Variants in ARFGEF2 observed in about 807,000 individuals in gnomAD.
ARFGEF2 encodes the protein ARF guanine nucleotide exchange factor 2.
ARFGEF2 carries 74 observed loss-of-function variants against 219.9 expected under a neutral mutation model. The ratio of observed to expected loss-of-function variants is 0.34; its 90% CI spans 0.28 to 0.41. ARFGEF2 has a LOEUF of 0.41. Among genes scored for constraint, ARFGEF2 ranks in the 10% least tolerant of loss-of-function variants. ARFGEF2 has a pLI of 1.00. For missense variants in ARFGEF2, 1,743 were observed against 2,218.3 expected (o/e 0.79, Z 4.30); for synonymous variants, 733 against 799.2 (o/e 0.92, Z 1.40).
In ARFGEF2 at chr20:48,932,346, GGA is replaced by G. The variant is rs536845969; in HGVS notation, c.122-8849_122-8848del. ...CAGCAGAACAGCGATGATTGGGAGGGGAGAGTTGGGCCATTGAGGGTGGAGAA... is the reference window on the plus strand; with the variant it reads ...CAGCAGAACAGCGATGATTGGGAGGGGAGTTGGGCCATTGAGGGTGGAGAA... On this transcript the variant is annotated intron_variant, in intron 1 of 38. Transcript: ENST00000371917. Among the ~76,000 whole-genome samples, 14 of 152,268 alleles carry G rather than the reference GGA, an allele frequency of 9.2e-5. No homozygotes were observed. In the East Asian group the frequency reaches 2.7e-3, roughly 29 times the overall value.
At position 49,014,842 on chromosome 20, in the gene ARFGEF2, A is replaced by G. The variant is rs1001647485; in HGVS notation, c.4179+882A>G. On this transcript the variant is annotated intron_variant, in intron 30 of 38. Coordinates refer to ENST00000371917, the MANE Select transcript of ARFGEF2 (RefSeq NM_006420.3). ...TTTAAATTTAAATATGTTTTTCCTC[A>G]TTATAAAACAAGTAGAACTACAGAA... Among the ~76,000 whole-genome samples the G allele has an allele frequency of 1.1e-4, 17 of 152,318 alleles. No individual in the cohort carries two copies. In the East Asian group the frequency reaches 3.1e-3, roughly 28 times the overall value.
At chr20:48,948,418 C>T (rs766551892) in intron 3 of ARFGEF2, among the ~76,000 whole-genome samples, 1 of 152,208 alleles carries the variant, frequency 6.6e-6, no homozygotes, top group Non-Finnish European at 1.5e-5. Context: ...GTGAACATCT[C>T]TGTGCAAGCC....
At chr20:48,991,259 A>G (rs1280792938) in intron 21 of ARFGEF2, 61 bp downstream of exon 21, 2 of 1,601,462 alleles carry the variant, frequency 1.2e-6, no homozygotes, top group African/African-American at 1.3e-5. Context: ...CCTTTTATTC[A>G]TTGTTGATCT....
At chr20:49,028,701 C>T in intron 37 of ARFGEF2, 33 bp downstream of exon 37, 1 of 1,601,458 alleles carries the variant, frequency 6.2e-7, no homozygotes, top group Non-Finnish European at 8.5e-7. Flanking sequence ...AGATTTCTAT[C>T]TGCTATATAC....
intron 18 of ARFGEF2, among the ~76,000 whole-genome samples, chr20:48,988,947 G>C (rs948546326): frequency 3.9e-5 from 6 of 152,136 alleles, no homozygotes; most frequent in Non-Finnish European, 8.8e-5. Context: ...TGTCCGCCTT[G>C]ATTAGAATTC....
At chr20:48,973,041 G>A in intron 11 of ARFGEF2, 104 bp from the exon 12 acceptor site, 2 of 1,317,818 alleles carry the variant, frequency 1.5e-6, no homozygotes, top group Non-Finnish European at 2.2e-6. Context: ...GGCCACCGGA[G>A]TCTGTAGTTC....
chr20:49,000,145 T>A (rs1489313970), intron 25 of ARFGEF2, among the ~76,000 whole-genome samples: 1 of 152,238 alleles, frequency 6.6e-6, no homozygotes, highest in Non-Finnish European at 1.5e-5. Flanking sequence ...CAGGTGCTAG[T>A]CTACTCCACC....
At chr20:48,996,031 T>C in intron 23 of ARFGEF2, 149 bp downstream of exon 23, 2 of 738,320 alleles carry the variant, frequency 2.7e-6, no homozygotes, top group Non-Finnish European at 4.9e-6. Context: ...ATTTGCATTT[T>C]GACCTTTTAG....
At chr20:49,018,362 A>G (rs1017817239) in intron 33 of ARFGEF2, among the ~76,000 whole-genome samples, 9 of 152,004 alleles carry the variant, frequency 5.9e-5, no homozygotes, top group African/African-American at 2.2e-4. Context: ...CCTCCCGCCA[A>G]GTAGCTGGGA....
At chr20:49,022,494 C>T (rs1406324813) in intron 34 of ARFGEF2, among the ~76,000 whole-genome samples, 3 of 152,094 alleles carry the variant, frequency 2.0e-5, no homozygotes, top group Admixed American at 1.3e-4. Context: ...GAACCTGAAA[C>T]GTCCTCTGGT....
chr20:48,945,167 C>T (rs2091018046), intron 3 of ARFGEF2, among the ~76,000 whole-genome samples: 1 of 152,052 alleles, frequency 6.6e-6, no homozygotes, highest in Non-Finnish European at 1.5e-5. Flanking sequence ...TCTCAAAGGC[C>T]CAGCCTCCTA....
rs114947368 is a variant in ARFGEF2 at position 48,948,349 on chromosome 20, C to T, written c.277-2974C>T. Among the ~76,000 whole-genome samples, 790 of 152,256 alleles carry T rather than the reference C, an allele frequency of 5.2e-3. 5 individuals carry two copies. The highest frequency in any genetic ancestry group is 0.012 in the African/African-American group (492 of 41,540). On this transcript the variant is annotated intron_variant, in intron 3 of 38. Coordinates refer to ENST00000371917, the MANE Select transcript of ARFGEF2 (RefSeq NM_006420.3). ...GTGCATTCTTTTGACTGGCATATGA[C>T]GTGTCATGCCACCATTCCATCTCTC...
intron 11 of ARFGEF2, 102 bp from the exon 12 acceptor site, chr20:48,973,043 C>T (rs2091238115): frequency 1.5e-6 from 2 of 1,340,064 alleles, no homozygotes; most frequent in African/African-American, 2.9e-5. Context: ...CCACCGGAGT[C>T]TGTAGTTCAC....
At chr20:48,974,027 T>C (rs1115535) in intron 12 of ARFGEF2, among the ~76,000 whole-genome samples, 26,632 of 152,052 alleles carry the variant, frequency 0.18, 3,068 homozygotes, top group Non-Finnish European at 0.26. Context: ...GGATACGTTG[T>C]ATCCAGAGTC....
intron 21 of ARFGEF2, among the ~76,000 whole-genome samples, chr20:48,993,136 T>C (rs2091366652): frequency 6.6e-6 from 1 of 152,222 alleles, no homozygotes; most frequent in Admixed American, 6.5e-5. Context: ...AGAGAATCAA[T>C]GAATAGTTGC....
intron 1 of ARFGEF2, 102 bp from the exon 2 acceptor site, chr20:48,941,097 C>A: frequency 3.7e-6 from 4 of 1,067,282 alleles, no homozygotes; most frequent in South Asian, 1.4e-5. Context: ...TTAAACATCT[C>A]GTTAACAATC....
Position 49,036,002 on chromosome 20 carries a change from AAAAC to A in ARFGEF2, c.*2804_*2807del, listed in dbSNP as rs1316269609. 11 of 395,846 alleles carry A rather than the reference AAAAC, an allele frequency of 2.8e-5. No individual in the cohort carries two copies. The highest frequency in any genetic ancestry group is 2.7e-4 in the Admixed American group (6 of 22,640). 24.5% of individuals were successfully genotyped at this position (395,846 alleles called of 1,614,324 possible). A position where few individuals can be genotyped will look rare whatever the true frequency, so the allele number is the denominator to read the frequency against. ...GACTTTTGTACGAAATGAAAAAAAA[AAAAC>A]CTGTATTTTTTTTGTTGTTCTTTTG... On this transcript the variant is annotated 3_prime_UTR_variant, in exon 39 of 39. Coordinates refer to ENST00000371917, the MANE Select transcript of ARFGEF2 (RefSeq NM_006420.3).
intron 1 of ARFGEF2, among the ~76,000 whole-genome samples, chr20:48,932,505 G>A (rs139064123): frequency 4.6e-5 from 7 of 152,278 alleles, no homozygotes; most frequent in East Asian, 1.9e-4. Context: ...CTGCTTAGGC[G>A]GAGACAGGTG....
intron 7 of ARFGEF2, among the ~76,000 whole-genome samples, chr20:48,964,815 T>C (rs890923134): frequency 4.6e-5 from 7 of 152,224 alleles, no homozygotes; most frequent in Non-Finnish European, 8.8e-5. Context: ...GAAATCAAAA[T>C]CTTAATGGGT....
Sources: allele counts gnomAD v4.1 joint callset (sites outside exome capture counted in the v4.1 genomes callset), GRCh38; gene constraint gnomAD v4.1.1; transcripts MANE v1.5; gene names NCBI Gene and HGNC (gene_info 2026-07-23, HGNC 2026-07-21).